EFL1: variants seen among roughly 807,000 people sequenced by gnomAD.
The protein encoded by EFL1 is elongation factor-like GTPase 1.
In EFL1, 76 loss-of-function variants were observed where a neutral mutation model predicts 126.7. That is an observed-to-expected ratio of 0.60 (90% confidence interval 0.50 to 0.73). EFL1 has a LOEUF of 0.73. EFL1 is among the 30% of genes least tolerant of loss of function. EFL1 has a pLI of 0.00. For synonymous variants in EFL1, 410 were observed against 448.4 expected (o/e 0.91, Z 1.08); for missense variants, 1,128 against 1,343.2 (o/e 0.84, Z 2.50).
chr15:82,249,059 T>C (rs1359295013), intron 4 of EFL1, among the ~76,000 whole-genome samples: 2 of 151,982 alleles, frequency 1.3e-5, no homozygotes, highest in African/African-American at 2.4e-5. Context: ...ATTGAAAATA[T>C]AAAATAACTG....
At chr15:82,207,503 C>T (rs1166756925) in intron 15 of EFL1, among the ~76,000 whole-genome samples, 2 of 151,770 alleles carry the variant, frequency 1.3e-5, no homozygotes, top group African/African-American at 2.4e-5. Context: ...GGTTAAAAAA[C>T]AGTATAGGAA....
At chr15:82,152,784 T>C (rs2073927968) in intron 17 of EFL1, among the ~76,000 whole-genome samples, 1 of 152,180 alleles carries the variant, frequency 6.6e-6, no homozygotes, top group Non-Finnish European at 1.5e-5. Context: ...TTTGCCCATC[T>C]AAGAGTGTGG....
intron 4 of EFL1, among the ~76,000 whole-genome samples, chr15:82,245,348 G>A (rs529987415): frequency 1.3e-5 from 2 of 152,002 alleles, no homozygotes; most frequent in Admixed American, 6.6e-5. Context: ...CTGTGTTGCC[G>A]TGGCAGGTCT....
At chr15:82,164,721 C>T (rs1406450245) in intron 15 of EFL1, among the ~76,000 whole-genome samples, 1 of 151,772 alleles carries the variant, frequency 6.6e-6, no homozygotes, top group East Asian at 1.9e-4. Flanking sequence ...CACGGTGAAA[C>T]CCCGTCTCTA....
rs71156027 is a variant in EFL1 at position 82,138,407 on chromosome 15, TGAGA to T, written c.3174+247_3174+250del. On this transcript the variant is annotated intron_variant, in intron 19 of 19. Transcript: ENST00000268206. ...TTTTATATTGAATAAAAAGGACAAA[TGAGA>T]GAGAGAGAGAGAGAGTGTATGTGTG... Among the ~76,000 whole-genome samples, 978 of 147,824 alleles carry T rather than the reference TGAGA, an allele frequency of 6.6e-3. 12 individuals carry two copies. Among genetic ancestry groups the T allele is most frequent in the African/African-American group, 0.023 (927 of 40,032 alleles).
At position 82,240,429 on chromosome 15, in the gene EFL1, T is replaced by C. The variant is rs776929010; in HGVS notation, c.505A>G (p.Ile169Val). ...AAAAATTAAAATACCTGTTCTAAAATATTCTTGAGGTGAGAATAGGCCTCT... is the reference window on the plus strand; with the variant it reads ...AAAAATTAAAATACCTGTTCTAAAACATTCTTGAGGTGAGAATAGGCCTCT... Reference protein sequence around the residue: ...PQEAYSHLKNILEQINALTGT... With the variant: ...PQEAYSHLKNVLEQINALTGT... Residue 169 changes from isoleucine to valine, a missense_variant, in exon 6 of 20, where the codon ATT becomes GTT. Around this residue, in one of 6 missense-constraint regions of EFL1, gnomAD observed 316 missense variants for 318.5 expected, o/e 0.99. Transcript: ENST00000268206. The C allele has an allele frequency of 6.3e-7, 1 of 1,598,754 alleles. No individual in the cohort carries two copies. Among genetic ancestry groups the C allele is most frequent in the East Asian group, 2.3e-5 (1 of 44,274 alleles).
At chr15:82,227,180 T>C (rs764386631) in intron 11 of EFL1, among the ~76,000 whole-genome samples, 2 of 152,158 alleles carry the variant, frequency 1.3e-5, no homozygotes, top group Admixed American at 1.3e-4. Flanking sequence ...AAGCCCAGAA[T>C]GGGAGCTTCT....
intron 15 of EFL1, among the ~76,000 whole-genome samples, chr15:82,193,311 A>G (rs2651708): frequency 2.0e-5 from 3 of 152,332 alleles, no homozygotes; most frequent in African/African-American, 4.8e-5. Context: ...CCACCATCAG[A>G]TATTAGACAC....
intron 2 of EFL1, among the ~76,000 whole-genome samples, chr15:82,259,403 A>G (rs982054500): frequency 8.5e-5 from 13 of 152,210 alleles, no homozygotes; most frequent in African/African-American, 3.1e-4. Context: ...CTCATCTGAA[A>G]AGTTGTCAAG....
chr15:82,207,597 T>C (rs1342021011), intron 15 of EFL1, among the ~76,000 whole-genome samples: 4 of 152,092 alleles, frequency 2.6e-5, no homozygotes, highest in Non-Finnish European at 5.9e-5. Context: ...TGTGTTTTCT[T>C]ACCACAATTT....
intron 15 of EFL1, among the ~76,000 whole-genome samples, chr15:82,197,087 T>C (rs1283342720): frequency 6.6e-6 from 1 of 151,910 alleles, no homozygotes; most frequent in South Asian, 2.1e-4. Flanking sequence ...ACAAAATATA[T>C]GCAAATATAG....
chr15:82,225,306 A>AT, intron 11 of EFL1, 42 bp from the exon 12 acceptor site: 1 of 1,373,332 alleles, frequency 7.3e-7, no homozygotes, highest in African/African-American at 1.5e-5. Context: ...TTTTCCCATT[A>AT]TTAAAAAAAA....
At chr15:82,207,222 T>G (rs992156514) in intron 15 of EFL1, among the ~76,000 whole-genome samples, 1 of 151,306 alleles carries the variant, frequency 6.6e-6, no homozygotes, top group Non-Finnish European at 1.5e-5. Context: ...AGGAGGATAC[T>G]TCCTTTTCAT....
intron 14 of EFL1, among the ~76,000 whole-genome samples, chr15:82,216,077 A>G (rs1217073811): frequency 6.6e-6 from 1 of 152,206 alleles, no homozygotes; most frequent in East Asian, 1.9e-4. Context: ...TTATACTTCT[A>G]TAATTAGGAA....
At chr15:82,198,000 G>A (rs1398574690) in intron 15 of EFL1, among the ~76,000 whole-genome samples, 1 of 152,208 alleles carries the variant, frequency 6.6e-6, no homozygotes, top group Non-Finnish European at 1.5e-5. Context: ...CGAAACTGTA[G>A]CACAGTAAAG....
At chr15:82,142,933 T>G (rs1376391930) in intron 18 of EFL1, among the ~76,000 whole-genome samples, 1 of 152,218 alleles carries the variant, frequency 6.6e-6, no homozygotes, top group Non-Finnish European at 1.5e-5. Context: ...CTCAAAAAAG[T>G]CTCTTTACCA....
chr15:82,224,203 T>C (rs968783339), intron 12 of EFL1, among the ~76,000 whole-genome samples: 2 of 152,238 alleles, frequency 1.3e-5, no homozygotes, highest in African/African-American at 4.8e-5. Context: ...GCTGATGATC[T>C]GACCTTCAGT....
At chr15:82,201,698 CAAAAAAAAA>C (rs57664245) in intron 15 of EFL1, among the ~76,000 whole-genome samples, 3 of 98,676 alleles carry the variant, frequency 3.0e-5, no homozygotes, top group Admixed American at 1.1e-4. Flanking sequence ...TAACTTCTTG[CAAAAAAAAA>C]AAAAAAAAAA....
intron 15 of EFL1, among the ~76,000 whole-genome samples, chr15:82,211,593 T>TACACACACACACACACACAC (rs1567064844): frequency 1.8e-5 from 1 of 54,512 alleles, no homozygotes; most frequent in African/African-American, 1.8e-4. Flanking sequence ...AGACACATAC[T>TACACACACACACACACACAC]AGACACACAC....
Sources: allele counts gnomAD v4.1 joint callset (sites outside exome capture counted in the v4.1 genomes callset), GRCh38; gene constraint gnomAD v4.1.1; regional missense constraint gnomAD v4.1.1; transcripts MANE v1.5; gene names NCBI Gene and HGNC (gene_info 2026-07-23, HGNC 2026-07-21).